The following PDRG1 variants were observed in gnomAD, a reference collection of about 807,000 sequenced individuals.
PDRG1 encodes p53 and DNA damage-regulated protein 1.
PDRG1 carries 14 observed loss-of-function variants against 18.4 expected under a neutral mutation model. That is an observed-to-expected ratio of 0.76 (90% CI 0.50 to 1.19). The LOEUF is 1.19. PDRG1 is among the 50% of genes most tolerant of loss of function. The pLI, the probability that PDRG1 is intolerant of heterozygous loss-of-function variation, is 0.00. For missense variants in PDRG1, 177 were observed against 160.1 expected, an observed-to-expected ratio of 1.11 and a Z score of -0.57; for synonymous variants, 65 against 60.9, an observed-to-expected ratio of 1.07 and a Z score of -0.31.
chr20:31,951,766 C>T, intron 1 of PDRG1, 109 bp downstream of exon 1: 1 of 1,193,988 alleles, frequency 8.4e-7, no homozygotes, highest in Non-Finnish European at 1.1e-6. Flanking sequence ...CGGCCCAGGT[C>T]TGTCGCCTCG....
rs930273531 is a variant in PDRG1, at chr20:31,944,561, T to G, written c.*1246A>C. On this transcript the variant is annotated 3_prime_UTR_variant, in exon 5 of 5. Transcript: ENST00000202017. ...CCTTCCCCTTGCTTTCCTCACTTGA[T>G]GTATCTTGGAGCTTGTTCCTTATTC... The G allele has an allele frequency of 2.6e-5, 4 of 152,338 alleles. No individual in the cohort carries two copies. The highest frequency in any genetic ancestry group is 9.6e-5 in the African/African-American group (4 of 41,462). The allele number at this position is 152,338 out of a possible 1,614,324, so 9.4% of individuals were successfully genotyped here. A position where few individuals can be genotyped will look rare whatever the true frequency, so the allele number is the denominator to read the frequency against.
At chr20:31,948,721 G>T in intron 3 of PDRG1, 87 bp downstream of exon 3, 1 of 1,259,006 alleles carries the variant, frequency 7.9e-7, no homozygotes, top group Non-Finnish European at 1.1e-6. Context: ...TCCTTACGCT[G>T]CCTGAAGCCT....
At chr20:31,946,850 G>A (rs182032481) in intron 3 of PDRG1, among the ~76,000 whole-genome samples, 37 of 152,304 alleles carry the variant, frequency 2.4e-4, no homozygotes, top group Admixed American at 8.5e-4. Context: ...GGATGGAGAA[G>A]GCAACATCAG....
rs775524168 is a variant in PDRG1 at position 31,951,902 on chromosome 20, G to A, written c.60C>T (p.Ala20=). The stretch of plus-strand genomic sequence containing the variant: ...GCCGCTTGTCCGCCAGCACCTCCTC[G>A]GCGAGCTCCTCCACTTCTACAAGGT... The part of the protein sequence containing the change: ...LRYLVEVEEL[A]EEVLADKRQI... Residue 20 remains alanine, a synonymous_variant, in exon 1 of 5, where the codon GCC becomes GCT. Coordinates refer to ENST00000202017, the MANE Select transcript of PDRG1 (RefSeq NM_030815.3). 8.8e-6 allele frequency: 14 copies of A among 1,590,086 alleles called. No homozygotes were observed. In the East Asian group the frequency reaches 2.8e-4, roughly 32 times the overall value.
Position 31,951,952 on chromosome 20 carries a change from G to A in PDRG1, c.10C>T (p.Pro4Ser). Residue 4 changes from proline (P) to serine (S), a missense_variant, in exon 1 of 5, where the codon CCC becomes TCC. By Grantham distance (74) the Pro-to-Ser change is moderately conservative. Transcript: ENST00000202017. ...TACCGCAGCACTCGCTCTGCCTCGG[G>A]TGATAGCATAGCGCCCACCAACTCC... The part of the protein sequence containing the change: MLS[P>S]EAERVLRYLV... 1.3e-6 allele frequency: 2 copies of A among 1,574,246 alleles called. No individual in the cohort carries two copies. Among genetic ancestry groups the A allele is most frequent in the Admixed American group, 1.8e-5 (1 of 54,482 alleles).
rs1350517341 is a variant in PDRG1, at chr20:31,944,724, A to G, written c.*1083T>C. On this transcript the variant is annotated 3_prime_UTR_variant, in exon 5 of 5. Transcript: ENST00000202017. ...CAACCCATATGTCTAGCTTCTCTTGAAAACACGTAAGAACTGGCCATGACA... is the reference window on the plus strand; with the variant it reads ...CAACCCATATGTCTAGCTTCTCTTGGAAACACGTAAGAACTGGCCATGACA... 1.3e-5 allele frequency: 2 copies of G among 152,226 alleles called. No individual in the cohort carries two copies. The highest frequency in any genetic ancestry group is 2.9e-5 in the Non-Finnish European group (2 of 68,042). 9.4% of individuals were successfully genotyped at this position (152,226 alleles called of 1,614,324 possible). A position where few individuals can be genotyped will look rare whatever the true frequency, so the allele number is the denominator to read the frequency against.
chr20:31,952,010 G>A lies in PDRG1; in HGVS notation c.-49C>T, dbSNP rs909343404. Reference sequence around the variant, plus strand: ...GCTCTCGCGCGACCCCGGGATCTCCGCTTCGACTCCCGCTGCGCACGCGCC... The same window carrying A: ...GCTCTCGCGCGACCCCGGGATCTCCACTTCGACTCCCGCTGCGCACGCGCC... On this transcript the variant is annotated 5_prime_UTR_variant, in exon 1 of 5. Coordinates refer to ENST00000202017, the MANE Select transcript of PDRG1 (RefSeq NM_030815.3). 18 of 1,493,420 alleles carry A rather than the reference G, an allele frequency of 1.2e-5. No individual in the cohort carries two copies. The Admixed American group carries it at 1.3e-4, about 11-fold the overall frequency. 92.5% of individuals were successfully genotyped at this position (1,493,420 alleles called of 1,614,324 possible). A position where few individuals can be genotyped will look rare whatever the true frequency, so the allele number is the denominator to read the frequency against.
rs759134978 is a variant in PDRG1 at position 31,945,881 on chromosome 20, C to T, written c.328G>A (p.Glu110Lys). Reference protein sequence around the residue: ...NRLFEAQGKPELKGFNLNPLN... With the variant: ...NRLFEAQGKPKLKGFNLNPLN... ...GGGTTCAAGTTAAAACCCTTCAGCT[C>T]CGGTTTGCCTAGGAGAGAAGATGAT... Residue 110 changes from glutamate to lysine, a missense_variant, in exon 5 of 5, where the codon GAG (glutamate) becomes AAG (lysine). Physicochemically the swap from Glu to Lys is moderately conservative, Grantham distance 56. Transcript: ENST00000202017. The T allele has an allele frequency of 3.1e-6, 5 of 1,613,484 alleles. No homozygotes were observed. The highest frequency in any genetic ancestry group is 4.2e-6 in the Non-Finnish European group (5 of 1,179,832).
chr20:31,946,410 A>C, intron 4 of PDRG1, 86 bp downstream of exon 4: 1 of 1,278,548 alleles, frequency 7.8e-7, no homozygotes, highest in Non-Finnish European at 1.1e-6. Context: ...CCCATCTCTG[A>C]GGGTCGGACT....
At position 31,952,036 on chromosome 20, in the gene PDRG1, GCT is replaced by G; in HGVS notation, c.-77_-76del. On this transcript the variant is annotated 5_prime_UTR_variant, in exon 1 of 5. Transcript: ENST00000202017. ...CTTCGACTCCCGCTGCGCACGCGCC[GCT>G]CTCTAGGTGCTTCCGGCGCGCCTGC... 12 of 1,479,566 alleles carry G rather than the reference GCT, an allele frequency of 8.1e-6. No individual in the cohort carries two copies. Among genetic ancestry groups the G allele is most frequent in the Non-Finnish European group, 1.1e-5 (12 of 1,116,296 alleles). 91.7% of individuals were successfully genotyped at this position (1,479,566 alleles called of 1,614,324 possible).
intron 4 of PDRG1, 139 bp downstream of exon 4, chr20:31,946,357 T>G (rs906480666): frequency 1.3e-6 from 1 of 758,064 alleles, no homozygotes; most frequent in South Asian, 1.6e-5. Context: ...AACCAACCAC[T>G]GTGCACACCT....
chr20:31,951,484 G>T lies in PDRG1; in HGVS notation c.87+391C>A, dbSNP rs572000672. On this transcript the variant is annotated intron_variant, in intron 1 of 4. Transcript: ENST00000202017. Reference sequence around the variant, plus strand: ...AAACAAGACACCCCATAAACAGGGCGCCACCTTCCCCCACGTCCCCACCCC... The same window carrying T: ...AAACAAGACACCCCATAAACAGGGCTCCACCTTCCCCCACGTCCCCACCCC... 2.0e-5 allele frequency among the ~76,000 whole-genome samples: 3 copies of T among 152,184 alleles called. No homozygotes were observed. The East Asian group carries it at 5.8e-4, about 29-fold the overall frequency.
In PDRG1 at chr20:31,950,255, G is replaced by A. The variant is rs1222781696; in HGVS notation, c.163+57C>T. On this transcript the variant is annotated intron_variant, in intron 2 of 4. Transcript: ENST00000202017. Reference sequence around the variant, plus strand: ...GATCTCTATCAGGAACAAGGTAAAGGCCTTAAAGGAAAACGGAACAGGCCT... The same window carrying A: ...GATCTCTATCAGGAACAAGGTAAAGACCTTAAAGGAAAACGGAACAGGCCT... 6 of 1,282,214 alleles carry A rather than the reference G, an allele frequency of 4.7e-6. No homozygotes were observed. In the East Asian group the frequency reaches 6.9e-5, roughly 15 times the overall value. 79.4% of individuals were successfully genotyped at this position (1,282,214 alleles called of 1,614,324 possible). A position where few individuals can be genotyped will look rare whatever the true frequency, so the allele number is the denominator to read the frequency against.
chr20:31,946,514 G>A lies in PDRG1; in HGVS notation c.301C>T (p.Arg101Cys), dbSNP rs565384763. 15 of 1,611,702 alleles carry A rather than the reference G, an allele frequency of 9.3e-6. No homozygotes were observed. The highest frequency in any genetic ancestry group is 4.5e-5 in the East Asian group (2 of 44,872). ...CCAATACCTTGGGCCTCAAAAAGGCGGTTGACCTTCACTTTAAGTTGCTTC... is the reference window on the plus strand; with the variant it reads ...CCAATACCTTGGGCCTCAAAAAGGCAGTTGACCTTCACTTTAAGTTGCTTC... ...LRKQLKVKVN[R>C]LFEAQGKPEL... The change falls in exon 4 of 5, where the codon CGC becomes TGC. Residue 101 changes from arginine (R) to cysteine (C), a missense_variant. Arg to Cys is a radical substitution (Grantham distance 180). Coordinates refer to ENST00000202017, the MANE Select transcript of PDRG1 (RefSeq NM_030815.3).
rs1006399818 is a variant in PDRG1 at position 31,944,558 on chromosome 20, T to C, written c.*1249A>G. 1.3e-5 allele frequency: 2 copies of C among 152,470 alleles called. No individual in the cohort carries two copies. Among genetic ancestry groups the C allele is most frequent in the Middle Eastern group, 3.4e-3 (1 of 294 alleles). 9.4% of individuals were successfully genotyped at this position (152,470 alleles called of 1,614,324 possible). A position where few individuals can be genotyped will look rare whatever the true frequency, so the allele number is the denominator to read the frequency against. On this transcript the variant is annotated 3_prime_UTR_variant, in exon 5 of 5. Transcript: ENST00000202017. Reference sequence around the variant, plus strand: ...CAGCCTTCCCCTTGCTTTCCTCACTTGATGTATCTTGGAGCTTGTTCCTTA... The same window carrying C: ...CAGCCTTCCCCTTGCTTTCCTCACTCGATGTATCTTGGAGCTTGTTCCTTA...
At position 31,948,866 on chromosome 20, in the gene PDRG1, GC is replaced by G. The variant is rs1261122324; in HGVS notation, c.179del (p.Cys60SerfsTer17). The G allele has an allele frequency of 6.2e-7, 1 of 1,613,732 alleles. No individual in the cohort carries two copies. Among genetic ancestry groups the G allele is most frequent in the Admixed American group, 1.7e-5 (1 of 59,932 alleles). On this transcript the variant is annotated frameshift_variant, in exon 3 of 5. Transcript: ENST00000202017. LOFTEE classifies it high-confidence loss of function. ...GCATCTTGATAAACATGTTCCCGAA[GC>G]AAACCATCACATCTTCTGAAAGAGC... ...DLSLSEDVMV[C>X]FGNMFIKMPH...
intron 2 of PDRG1, among the ~76,000 whole-genome samples, 166 bp from the exon 3 acceptor site, chr20:31,949,048 C>A (rs1019527693): frequency 3.9e-5 from 6 of 152,036 alleles, no homozygotes; most frequent in African/African-American, 7.3e-5. Flanking sequence ...ATTTGTCAGA[C>A]CTTAAGAGTT....
chr20:31,951,501 C>A (rs1364683424), intron 1 of PDRG1, among the ~76,000 whole-genome samples: 2 of 152,170 alleles, frequency 1.3e-5, no homozygotes, highest in Non-Finnish European at 2.9e-5. Flanking sequence ...TCCCCCACGT[C>A]CCCACCCCTG....
At chr20:31,950,246 A>C in intron 2 of PDRG1, 66 bp downstream of exon 2, 1 of 1,213,758 alleles carries the variant, frequency 8.2e-7, no homozygotes. Flanking sequence ...TATCAGGAAC[A>C]AGGTAAAGGC....
Sources: allele counts gnomAD v4.1 joint callset (sites outside exome capture counted in the v4.1 genomes callset), GRCh38; gene constraint gnomAD v4.1.1; transcripts MANE v1.5; gene names NCBI Gene and HGNC (gene_info 2026-07-23, HGNC 2026-07-21).